The following DNAJC21 variants were observed in gnomAD, a reference collection of about 807,000 sequenced individuals.
DNAJC21 encodes the protein DnaJ heat shock protein family (Hsp40) member C21, also known as dnaJ homolog subfamily C member 21.
DNAJC21 carries 63 observed loss-of-function variants against 72.4 expected under a neutral mutation model. That is an observed-to-expected ratio of 0.87 (90% confidence interval 0.71 to 1.07). The LOEUF is 1.07. Ranked by LOEUF, DNAJC21 falls within the 50% of genes least tolerant of loss-of-function variation. The pLI is 0.00. For synonymous variants in DNAJC21, 203 were observed against 216.7 expected, an observed-to-expected ratio of 0.94 and a Z score of 0.56; for missense variants, 634 against 644.8, an observed-to-expected ratio of 0.98 and a Z score of 0.18.
At chr5:34,930,478 G>A (rs2112009267) in intron 1 of DNAJC21, 1 of 152,030 alleles carries the variant, frequency 6.6e-6, no homozygotes, top group East Asian at 1.9e-4. Context: ...AGCTGTTTAA[G>A]CAGACCTTGT....
chr5:34,936,369 A>G lies in DNAJC21; in HGVS notation c.438+103A>G. 2.2e-6 allele frequency: 3 copies of G among 1,371,818 alleles called. No homozygotes were observed. In the South Asian group the frequency reaches 4.2e-5, roughly 19 times the overall value. The allele number at this position is 1,371,818 out of a possible 1,614,324, so 85.0% of individuals were successfully genotyped here. A position where few individuals can be genotyped will look rare whatever the true frequency, so the allele number is the denominator to read the frequency against. On this transcript the variant is annotated intron_variant, in intron 4 of 11. Coordinates refer to ENST00000648817, the MANE Select transcript of DNAJC21 (RefSeq NM_001012339.3). The stretch of plus-strand genomic sequence containing the variant: ...GGTCTCACTCTGTCACCCAGGCTGC[A>G]GTGCAGTGGTATGATCATATCTCAC...
At chr5:34,952,122 AATGTGTGTGTGTGT>A (rs1765389442) in intron 10 of DNAJC21, 2 of 924,392 alleles carry the variant, frequency 2.2e-6, no homozygotes, top group Non-Finnish European at 2.5e-6. Context: ...TTTTTTAAAA[AATGTGTGTGTGTGT>A]GTGTGTGTGT....
intron 5 of DNAJC21, 25 bp downstream of exon 5, chr5:34,937,655 T>C (rs755009994): frequency 6.3e-7 from 1 of 1,589,970 alleles, no homozygotes; most frequent in Admixed American, 1.8e-5. Context: ...TGGGGCCCTC[T>C]TCTCAGTATC....
chr5:34,932,598 G>A (rs1580521785), intron 1 of DNAJC21, among the ~76,000 whole-genome samples: 1 of 152,170 alleles, frequency 6.6e-6, no homozygotes, highest in African/African-American at 2.4e-5. Context: ...CAGTTTCTAA[G>A]GATGAGAATC....
chr5:34,953,764 A>G (rs1580543670), intron 10 of DNAJC21, 162 bp from the exon 11 acceptor site: 2 of 425,290 alleles, frequency 4.7e-6, no homozygotes, highest in East Asian at 3.7e-5. Context: ...CTTTTTAAAG[A>G]TGTTCATTTA....
At position 34,957,686 on chromosome 5, in the gene DNAJC21, T is replaced by C. The variant is rs553958908; in HGVS notation, c.*2972T>C. 6.6e-6 allele frequency: 1 copy of C among 152,192 alleles called. No individual in the cohort carries two copies. The highest frequency in any genetic ancestry group is 1.5e-5 in the Non-Finnish European group (1 of 68,034). 9.4% of individuals were successfully genotyped at this position (152,192 alleles called of 1,614,324 possible). ...TATTTGTAGAAGATTGTCTCTAAAA[T>C]TGTGGTTTAACTCACGCAGGAAGTA... On this transcript the variant is annotated 3_prime_UTR_variant, in exon 12 of 12. Transcript: ENST00000648817.
intron 10 of DNAJC21, chr5:34,951,084 G>A: frequency 2.0e-6 from 2 of 985,544 alleles, no homozygotes; most frequent in Non-Finnish European, 2.4e-6. Flanking sequence ...GATGGGGTGG[G>A]GAGTGTGTGT....
chr5:34,950,475 A>G, intron 10 of DNAJC21, 133 bp downstream of exon 10: 1 of 1,419,930 alleles, frequency 7.0e-7, no homozygotes, highest in South Asian at 1.6e-5. Context: ...ATATTTATGT[A>G]TAGATACACA....
intron 10 of DNAJC21, chr5:34,951,531 T>TA (rs1349558261): frequency 8.1e-6 from 6 of 736,360 alleles, no homozygotes; most frequent in Non-Finnish European, 5.0e-6. Context: ...GTTACTTCTT[T>TA]TTTTTTTTTT....
At chr5:34,930,119 A>G in intron 1 of DNAJC21, 1 of 387,382 alleles carries the variant, frequency 2.6e-6, no homozygotes, top group Non-Finnish European at 4.8e-6. Flanking sequence ...CCCGGCTCAC[A>G]CCCCATCTCC....
chr5:34,929,656 A>ACCACCG lies in DNAJC21; in HGVS notation c.-162_-161insACCGCC. Reference sequence around the variant, plus strand: ...CCGCGCGCCTTCACTGACCTACACCACCGCCGCCGCCGCCGCCGCCGCCGG... The same window carrying ACCACCG: ...CCGCGCGCCTTCACTGACCTACACCACCACCGCCGCCGCCGCCGCCGCCGCCGCCGG... On this transcript the variant is annotated 5_prime_UTR_variant, in exon 1 of 12. Transcript: ENST00000648817. 1 of 155,358 alleles carries ACCACCG rather than the reference A, an allele frequency of 6.4e-6. No homozygotes were observed. Among genetic ancestry groups the ACCACCG allele is most frequent in the Non-Finnish European group, 1.3e-5 (1 of 78,232 alleles). 9.6% of individuals were successfully genotyped at this position (155,358 alleles called of 1,614,324 possible).
At chr5:34,951,714 G>T (rs1765372961) in intron 10 of DNAJC21, 2 of 832,648 alleles carry the variant, frequency 2.4e-6, no homozygotes. Flanking sequence ...TTTTAGTAGA[G>T]ACGGTTTCAC....
At chr5:34,954,027 CTT>C in intron 11 of DNAJC21, 26 bp downstream of exon 11, 1 of 1,577,476 alleles carries the variant, frequency 6.3e-7, no homozygotes, top group African/African-American at 1.4e-5. Context: ...ATTCATATCT[CTT>C]TAGCATATCT....
intron 7 of DNAJC21, among the ~76,000 whole-genome samples, chr5:34,942,000 C>T (rs1055507792): frequency 2.6e-5 from 4 of 152,066 alleles, no homozygotes; most frequent in African/African-American, 9.7e-5. Flanking sequence ...GGTATTTGTA[C>T]CTGCCATTAA....
At chr5:34,935,076 T>C (rs1764726561) in intron 2 of DNAJC21, among the ~76,000 whole-genome samples, 1 of 152,228 alleles carries the variant, frequency 6.6e-6, no homozygotes, top group South Asian at 2.1e-4. Flanking sequence ...AACTCTCTTT[T>C]TACCTGGAAG....
intron 7 of DNAJC21, among the ~76,000 whole-genome samples, chr5:34,943,131 GAAATTATTAACATTGATATGGTATTTTTA>G (rs2112065011): frequency 6.6e-6 from 1 of 151,932 alleles, no homozygotes; most frequent in South Asian, 2.1e-4. Flanking sequence ...CCAAATAAAA[GAAATTATTAACATTGATATGGTATTTTTA>G]TCTAATTTAC....
chr5:34,935,787 GC>G lies in DNAJC21; in HGVS notation c.270del (p.Tyr91IlefsTer27), dbSNP rs1764750081. On this transcript the variant is annotated frameshift_variant, in exon 3 of 12. Coordinates refer to ENST00000648817, the MANE Select transcript of DNAJC21 (RefSeq NM_001012339.3). LOFTEE classifies it high-confidence loss of function. Reference sequence around the variant, plus strand: ...CAAGATGACAGCTTAGATTTGCTACGCTATTTCACCGTTACCTGTTATTCTG... The same window carrying G: ...CAAGATGACAGCTTAGATTTGCTACGTATTTCACCGTTACCTGTTATTCTG... ...EYQDDSLDLL[R>X]YFTVTCYSGY... 6.2e-7 allele frequency: 1 copy of G among 1,613,992 alleles called. No individual in the cohort carries two copies. Among genetic ancestry groups the G allele is most frequent in the Non-Finnish European group, 8.5e-7 (1 of 1,179,954 alleles).
chr5:34,936,952 T>C (rs1273264504), intron 4 of DNAJC21, among the ~76,000 whole-genome samples: 3 of 152,122 alleles, frequency 2.0e-5, no homozygotes, highest in African/African-American at 4.8e-5. Context: ...GATTTCATCA[T>C]GTTGGCCAGG....
intron 8 of DNAJC21, among the ~76,000 whole-genome samples, chr5:34,945,558 A>G (rs6864139): frequency 0.42 from 63,012 of 151,750 alleles, 13,422 homozygotes; most frequent in Non-Finnish European, 0.46. Context: ...GCTAATTACT[A>G]TCCATTGAAC....
Sources: allele counts gnomAD v4.1 joint callset (sites outside exome capture counted in the v4.1 genomes callset), GRCh38; gene constraint gnomAD v4.1.1; transcripts MANE v1.5; gene names NCBI Gene and HGNC (gene_info 2026-07-23, HGNC 2026-07-21).